The following ZNF385D variants were observed in gnomAD, a reference collection of about 807,000 sequenced individuals.
ZNF385D encodes the protein zinc finger protein 385D.
Under a neutral mutation model 35.8 loss-of-function variants are expected in ZNF385D, and 15 were observed. The ratio of observed to expected loss-of-function variants is 0.42; its 90% CI spans 0.28 to 0.64. The LOEUF is 0.64. Ranked by LOEUF, ZNF385D falls within the 30% of genes least tolerant of loss-of-function variation. The pLI is 0.23. For synonymous variants in ZNF385D, 212 were observed against 186.8 expected (o/e 1.13, Z -1.10); for missense variants, 474 against 494.6 (o/e 0.96, Z 0.39).
intron 3 of ZNF385D, among the ~76,000 whole-genome samples, chr3:21,806,634 T>A (rs1315538575): frequency 6.6e-6 from 1 of 152,314 alleles, no homozygotes; most frequent in Admixed American, 6.5e-5. Context: ...CAGACCTAAT[T>A]TTTTGGGAGA....
In ZNF385D at chr3:21,931,272, A is replaced by G. The variant is rs186252301; in HGVS notation, c.325+237545T>C. Reference sequence around the variant, plus strand: ...ATTTTTTTACCCACTAGGAATGCCTATAATAAAAAGGAAAGACAGTAACAA... The same window carrying G: ...ATTTTTTTACCCACTAGGAATGCCTGTAATAAAAAGGAAAGACAGTAACAA... On this transcript the variant is annotated intron_variant, in intron 3 of 5. Coordinates refer to the ZNF385D transcript ENST00000494108. Among the ~76,000 whole-genome samples the G allele has an allele frequency of 1.9e-3, 292 of 152,348 alleles. 4 individuals are homozygous for G. The South Asian group carries it at 0.026, about 14-fold the overall frequency.
chr3:21,479,394 C>T (rs563540944), intron 4 of ZNF385D, among the ~76,000 whole-genome samples: 5 of 151,962 alleles, frequency 3.3e-5, no homozygotes, highest in African/African-American at 1.2e-4. Context: ...CATCTAGCTT[C>T]AATGAACAAA....
At chr3:22,025,671 C>G (rs1193884561) in intron 3 of ZNF385D, among the ~76,000 whole-genome samples, 1 of 152,120 alleles carries the variant, frequency 6.6e-6, no homozygotes, top group African/African-American at 2.4e-5. Flanking sequence ...TGTGAGCGAG[C>G]TGGAAATGCC....
At position 21,655,691 on chromosome 3, in the gene ZNF385D, C is replaced by A. The variant is rs547288172; in HGVS notation, c.165+9195G>T. On this transcript the variant is annotated intron_variant, in intron 2 of 7. Coordinates refer to ENST00000281523, the MANE Select transcript of ZNF385D (RefSeq NM_024697.3). ...TTAAAGTATACCAAGGCTCATATAG[C>A]TGATTTAAAAAATTACAACCATTTG... is the stretch of plus-strand genomic sequence containing the variant. 1.5e-3 allele frequency among the ~76,000 whole-genome samples: 233 copies of A among 152,046 alleles called. 2 individuals carry two copies. The highest frequency in any genetic ancestry group is 3.4e-3 in the Middle Eastern group (1 of 292).
At chr3:22,028,665 G>A (rs1455270084) in intron 3 of ZNF385D, among the ~76,000 whole-genome samples, 1 of 152,134 alleles carries the variant, frequency 6.6e-6, no homozygotes, top group Non-Finnish European at 1.5e-5. Flanking sequence ...GGACTTATGG[G>A]ATGCCTTATC....
chr3:22,014,024 C>T (rs1469574163), intron 3 of ZNF385D, among the ~76,000 whole-genome samples: 1 of 152,018 alleles, frequency 6.6e-6, no homozygotes, highest in Non-Finnish European at 1.5e-5. Flanking sequence ...AAACAAGAAG[C>T]AACCCCAAGA....
At chr3:21,793,212 C>T (rs546677599) in intron 3 of ZNF385D, among the ~76,000 whole-genome samples, 26 of 152,260 alleles carry the variant, frequency 1.7e-4, no homozygotes, top group Non-Finnish European at 3.4e-4. Flanking sequence ...TGCTAGCTAG[C>T]CATGAGAGCC....
chr3:21,524,631 G>T lies in ZNF385D; in HGVS notation c.277-13608C>A, dbSNP rs546234910. On this transcript the variant is annotated intron_variant, in intron 3 of 7. Coordinates refer to ENST00000281523, the MANE Select transcript of ZNF385D (RefSeq NM_024697.3). ...GGTCTCTAGAGGCCAAATTCATAAG[G>T]ATAAAAGTCCTATCACTAGAACAGC... Among the ~76,000 whole-genome samples the T allele has an allele frequency of 1.8e-4, 27 of 152,128 alleles. 1 individual carries two copies. In the South Asian group the frequency reaches 5.6e-3, roughly 32 times the overall value.
Position 22,132,165 on chromosome 3 carries a change from G to T in ZNF385D, c.325+36652C>A, listed in dbSNP as rs192450439. Among the ~76,000 whole-genome samples, 22 of 152,230 alleles carry T rather than the reference G, an allele frequency of 1.4e-4. No individual in the cohort carries two copies. In the East Asian group the frequency reaches 4.1e-3, roughly 28 times the overall value. On this transcript the variant is annotated intron_variant, in intron 3 of 5. Transcript: ENST00000494108. ...ATTTGTTGAAATCTTAACCCCTGTG[G>T]TGATGGTATTTGGAGGCAGGATCTT...
At chr3:21,836,239 A>C (rs1695321404) in intron 3 of ZNF385D, among the ~76,000 whole-genome samples, 1 of 152,124 alleles carries the variant, frequency 6.6e-6, no homozygotes, top group Non-Finnish European at 1.5e-5. Context: ...TCAAGAGAAA[A>C]ACATAAATAT....
chr3:21,603,987 A>G (rs182647725), intron 2 of ZNF385D, among the ~76,000 whole-genome samples: 9 of 152,264 alleles, frequency 5.9e-5, no homozygotes, highest in African/African-American at 9.6e-5. Context: ...ATTCAGTTCA[A>G]TTATAGAGAA....
chr3:21,890,776 G>A (rs1208344027), intron 3 of ZNF385D, among the ~76,000 whole-genome samples: 2 of 152,174 alleles, frequency 1.3e-5, no homozygotes, highest in Admixed American at 1.3e-4. Flanking sequence ...AATTGCTGAT[G>A]GGAAGGGGTA....
chr3:21,606,801 G>T (rs12637992), intron 2 of ZNF385D, among the ~76,000 whole-genome samples: 1 of 152,126 alleles, frequency 6.6e-6, no homozygotes, highest in Admixed American at 6.5e-5. Flanking sequence ...GAGGTAATTA[G>T]GATTTAACCT....
At chr3:22,277,136 A>T (rs557314791) in intron 2 of ZNF385D, among the ~76,000 whole-genome samples, 5 of 152,226 alleles carry the variant, frequency 3.3e-5, no homozygotes, top group African/African-American at 1.2e-4. Flanking sequence ...AACTAACTTA[A>T]TAACTCCCAA....
chr3:22,228,487 C>A (rs759184824), intron 2 of ZNF385D, among the ~76,000 whole-genome samples: 13 of 152,112 alleles, frequency 8.5e-5, no homozygotes, highest in Non-Finnish European at 1.3e-4. Flanking sequence ...GGATAAGTGT[C>A]CACTCTGCCA....
chr3:21,496,473 TAC>T (rs1553601761), intron 4 of ZNF385D, among the ~76,000 whole-genome samples: 22,011 of 96,760 alleles, frequency 0.23, 1,971 homozygotes, highest in Admixed American at 0.34. Flanking sequence ...ATCATATATA[TAC>T]ATATATACAC....
chr3:21,663,005 A>G (rs957749546), intron 2 of ZNF385D, among the ~76,000 whole-genome samples: 2 of 152,184 alleles, frequency 1.3e-5, no homozygotes, highest in African/African-American at 4.8e-5. Flanking sequence ...TTGATGACAC[A>G]TGGGAGTTTT....
chr3:21,891,839 T>G (rs1415269034), intron 3 of ZNF385D, among the ~76,000 whole-genome samples: 1 of 152,216 alleles, frequency 6.6e-6, no homozygotes, highest in East Asian at 1.9e-4. Context: ...AAATTTATAC[T>G]AATTCCCCCA....
intron 3 of ZNF385D, among the ~76,000 whole-genome samples, chr3:21,890,842 A>C (rs980831339): frequency 2.6e-5 from 4 of 152,188 alleles, no homozygotes; most frequent in Non-Finnish European, 5.9e-5. Flanking sequence ...AAGCCAAAGG[A>C]AAACAGACAC....
Sources: gnomAD v4.1 joint callset for allele counts (sites outside exome capture counted in the v4.1 genomes callset) on GRCh38, gnomAD v4.1.1 for gene constraint, MANE v1.5 for transcripts, NCBI Gene and HGNC (gene_info 2026-07-23, HGNC 2026-07-21) for gene names.